The following TEX14 variants were observed in gnomAD, a reference collection of about 807,000 sequenced individuals.
TEX14 encodes inactive serine/threonine-protein kinase TEX14.
A neutral mutation model predicts 178.6 loss-of-function variants in TEX14; 168 were observed. That is an observed-to-expected ratio of 0.94 (90% CI 0.83 to 1.07). The LOEUF (loss-of-function observed/expected upper bound fraction) is 1.07, where lower values mean the gene tolerates loss of function less well. TEX14 is among the 50% of genes least tolerant of loss of function. The probability of loss-of-function intolerance (pLI) is 0.00; values close to 1 mark genes in which losing one functional copy is unlikely to be tolerated. For synonymous variants in TEX14, 626 were observed against 634.1 expected (o/e 0.99, Z 0.19); for missense variants, 1,730 against 1,753.6 (o/e 0.99, Z 0.24).
chr17:58,651,535 G>C (rs187306539), intron 2 of TEX14, among the ~76,000 whole-genome samples: 1 of 152,134 alleles, frequency 6.6e-6, no homozygotes, highest in African/African-American at 2.4e-5. Flanking sequence ...AGTCAACCAC[G>C]GGTGTCAGAG....
At chr17:58,573,071 G>C (rs542857805) in intron 23 of TEX14, 110 bp downstream of exon 23, 2 of 1,457,752 alleles carry the variant, frequency 1.4e-6, no homozygotes, top group Admixed American at 2.1e-5. Flanking sequence ...AAAAACCTTT[G>C]CACTATGACA....
At chr17:58,659,506 C>T (rs1013582463) in intron 1 of TEX14, among the ~76,000 whole-genome samples, 3 of 152,178 alleles carry the variant, frequency 2.0e-5, no homozygotes, top group Admixed American at 6.5e-5. Flanking sequence ...TCACTGCGCC[C>T]CTATCTACAT....
intron 1 of TEX14, among the ~76,000 whole-genome samples, chr17:58,654,843 T>C (rs971930145): frequency 1.3e-5 from 2 of 151,812 alleles, no homozygotes; most frequent in African/African-American, 2.4e-5. Context: ...GATCTCATTA[T>C]TGGACTGTGA....
In TEX14 at chr17:58,569,535, T is replaced by G. The variant is rs1337107887; in HGVS notation, c.3818-275A>C. Among the ~76,000 whole-genome samples the G allele has an allele frequency of 6.6e-6, 1 of 152,128 alleles. No homozygotes were observed. The highest frequency in any genetic ancestry group is 1.5e-5 in the Non-Finnish European group (1 of 68,022). ...TATGCCCCTCCCTTCCTAAGGATAT[T>G]TGGAGGAGGTAAGGTACAAATTCTT... On this transcript the variant is annotated intron_variant, in intron 25 of 31. Coordinates refer to ENST00000349033, the MANE Select transcript of TEX14 (RefSeq NM_031272.5). This position sits in a 1 kb window ranked among gnomAD's most constrained non-coding sequence, Gnocchi z 4.1.
intron 1 of TEX14, among the ~76,000 whole-genome samples, chr17:58,679,090 G>T (rs1015747166): frequency 1.3e-5 from 2 of 152,058 alleles, no homozygotes; most frequent in Non-Finnish European, 2.9e-5. Context: ...TGAGGCTGAG[G>T]TTGCTGTGAG....
chr17:58,671,564 C>T (rs1352799627), intron 1 of TEX14, among the ~76,000 whole-genome samples: 2 of 152,106 alleles, frequency 1.3e-5, no homozygotes, highest in Middle Eastern at 3.2e-3. Context: ...AGCTCAGGCC[C>T]CAAGCTTTGT....
intron 2 of TEX14, among the ~76,000 whole-genome samples, chr17:58,638,269 G>A (rs2046485466): frequency 6.6e-6 from 1 of 151,768 alleles, no homozygotes; most frequent in African/African-American, 2.4e-5. Context: ...AGCACTTTGG[G>A]AGGCCAACCC....
intron 19 of TEX14, among the ~76,000 whole-genome samples, chr17:58,584,298 T>C (rs2044897870): frequency 1.3e-5 from 2 of 152,164 alleles, no homozygotes; most frequent in African/African-American, 2.4e-5. Context: ...GGATACACAA[T>C]TCATTGAGTT....
chr17:58,622,437 CAAA>C (rs1336152646), intron 4 of TEX14, among the ~76,000 whole-genome samples: 6 of 113,908 alleles, frequency 5.3e-5, no homozygotes, highest in Admixed American at 5.2e-4. Flanking sequence ...GACTCCTTCC[CAAA>C]AAAAAAAAAA....
chr17:58,690,137 T>C (rs1809107075), intron 1 of TEX14, among the ~76,000 whole-genome samples: 1 of 150,592 alleles, frequency 6.6e-6, no homozygotes, highest in African/African-American at 2.4e-5. Context: ...ATAGATAGAG[T>C]TGAGTGGGGG....
At chr17:58,666,460 A>AAC (rs1555583913) in intron 1 of TEX14, 63 of 12,124 alleles carry the variant, frequency 5.2e-3, no homozygotes, top group South Asian at 0.015. Context: ...TTCCACGGCA[A>AAC]AAAAAAAAAA....
intron 5 of TEX14, among the ~76,000 whole-genome samples, chr17:58,620,086 A>G (rs568586495): frequency 7.9e-5 from 12 of 152,284 alleles, no homozygotes; most frequent in Admixed American, 2.6e-4. Context: ...TTTAATTGGA[A>G]AACTGGAGAA....
Position 58,577,372 on chromosome 17 carries a change from T to C in TEX14, c.3320+3A>G. 1 of 1,353,376 alleles carries C rather than the reference T, an allele frequency of 7.4e-7. No individual in the cohort carries two copies. Among genetic ancestry groups the C allele is most frequent in the Non-Finnish European group, 1.0e-6 (1 of 1,000,016 alleles). 83.8% of individuals were successfully genotyped at this position (1,353,376 alleles called of 1,614,324 possible). ...AACTGCATAAGATAATAATAGCCCATACCTTCGTACAGGTTGAAATTGAGA... is the reference window on the plus strand; with the variant it reads ...AACTGCATAAGATAATAATAGCCCACACCTTCGTACAGGTTGAAATTGAGA... On this transcript the variant is annotated splice_donor_region_variant and intron_variant, in intron 21 of 31. Transcript: ENST00000349033.
intron 1 of TEX14, among the ~76,000 whole-genome samples, chr17:58,654,252 A>C (rs908347780): frequency 6.6e-6 from 1 of 152,176 alleles, no homozygotes; most frequent in Non-Finnish European, 1.5e-5. Context: ...AAACAAACCC[A>C]TTAAGACACC....
chr17:58,682,654 G>A lies in TEX14; in HGVS notation c.-2+9285C>T, dbSNP rs549133948. On this transcript the variant is annotated intron_variant, in intron 1 of 31. Transcript: ENST00000349033. ...TTCCCAAAGTGCTGGGATTATAGGCGTGAGCCACCATGCCCGGCTGCCCAG... is the reference window on the plus strand; with the variant it reads ...TTCCCAAAGTGCTGGGATTATAGGCATGAGCCACCATGCCCGGCTGCCCAG... 5.9e-5 allele frequency among the ~76,000 whole-genome samples: 9 copies of A among 151,354 alleles called. No individual in the cohort carries two copies. The East Asian group carries it at 1.6e-3, about 26-fold the overall frequency.
chr17:58,597,912 G>T (rs888764737), intron 14 of TEX14, among the ~76,000 whole-genome samples: 18 of 152,106 alleles, frequency 1.2e-4, no homozygotes, highest in Admixed American at 5.2e-4. Context: ...CTCCCATGGT[G>T]TCTGCTCACC....
At position 58,573,215 on chromosome 17, in the gene TEX14, A is replaced by T. The variant is rs373332820; in HGVS notation, c.3477T>A (p.His1159Gln). 2 of 1,614,102 alleles carry T rather than the reference A, an allele frequency of 1.2e-6. No individual in the cohort carries two copies. Among genetic ancestry groups the T allele is most frequent in the Non-Finnish European group, 8.5e-7 (1 of 1,180,002 alleles). Residue 1159 changes from histidine (H) to glutamine (Q), a missense_variant, in exon 23 of 32, where the codon CAT (histidine) becomes CAA (glutamine). Around this residue, in one of 2 missense-constraint regions of TEX14, gnomAD observed 941 missense variants for 1,072.4 expected, o/e 0.88. Coordinates refer to ENST00000349033, the MANE Select transcript of TEX14 (RefSeq NM_031272.5). ...GTGGAGTGCTGACACTGGTAGGTGC[A>T]TGGTTTATTTTGGGTGTTTTGCATG... ...EASCKTPKIN[H>Q]APTSVSTPLS...
chr17:58,611,762 T>C (rs1176793328), intron 9 of TEX14, among the ~76,000 whole-genome samples: 3 of 152,088 alleles, frequency 2.0e-5, no homozygotes, highest in African/African-American at 7.2e-5. Context: ...ACCAATTCAG[T>C]CCTACCCCAG....
At chr17:58,636,453 A>G (rs1356791475) in intron 2 of TEX14, among the ~76,000 whole-genome samples, 1 of 152,222 alleles carries the variant, frequency 6.6e-6, no homozygotes, top group Non-Finnish European at 1.5e-5. Flanking sequence ...TATTAACAAT[A>G]ATGTGTGCCA....
Sources: allele counts gnomAD v4.1 joint callset (sites outside exome capture counted in the v4.1 genomes callset), GRCh38; gene constraint gnomAD v4.1.1; regional missense constraint gnomAD v4.1.1; non-coding constraint Gnocchi (gnomAD v3.1); transcripts MANE v1.5; gene names NCBI Gene and HGNC (gene_info 2026-07-23, HGNC 2026-07-21).